Variants in TRMT11 observed in about 807,000 individuals in gnomAD.
TRMT11 encodes the protein tRNA (guanine(10)-N(2))-methyltransferase TRMT11.
TRMT11 carries 53 observed loss-of-function variants against 62.8 expected under a neutral mutation model. That is an observed-to-expected ratio of 0.84 (90% CI 0.68 to 1.06). TRMT11 has a LOEUF of 1.06. Ranked by LOEUF, TRMT11 falls within the 50% of genes least tolerant of loss-of-function variation. TRMT11 has a pLI of 0.00. For missense variants in TRMT11, 556 were observed against 553.4 expected (o/e 1.00, Z -0.05); for synonymous variants, 188 against 190.3 (o/e 0.99, Z 0.10).
the TRMT11 span, among the ~76,000 whole-genome samples, chr6:126,268,418 A>G: frequency 1.3e-5 from 2 of 152,212 alleles, no homozygotes; most frequent in East Asian, 3.8e-4. Context: ...TATCAAAATA[A>G]CAATGTGGGA....
intron 17 of TRMT11, among the ~76,000 whole-genome samples, chr6:126,094,855 C>G (rs564205122): frequency 6.6e-6 from 1 of 152,194 alleles, no homozygotes; most frequent in South Asian, 2.1e-4. Context: ...TTAACTCTAC[C>G]AACACATACT....
At chr6:126,082,064 G>A (rs951828250) in intron 17 of TRMT11, among the ~76,000 whole-genome samples, 11 of 152,200 alleles carry the variant, frequency 7.2e-5, no homozygotes, top group South Asian at 4.2e-4. Flanking sequence ...TGAATTCAGC[G>A]TTGTCTGATG....
At chr6:126,023,101 G>A (rs1386900707) in intron 12 of TRMT11, among the ~76,000 whole-genome samples, 8 of 152,064 alleles carry the variant, frequency 5.3e-5, no homozygotes, top group Non-Finnish European at 1.2e-4. Context: ...TTTTATACCA[G>A]ACTAATTATT....
intron 21 of TRMT11, among the ~76,000 whole-genome samples, chr6:126,166,069 C>T (rs187729457): frequency 4.5e-4 from 68 of 152,054 alleles, no homozygotes; most frequent in Non-Finnish European, 9.0e-4. Context: ...TCCGCTTGAT[C>T]GATTTGGCTA....
chr6:126,094,070 A>G (rs1777313026), intron 17 of TRMT11, among the ~76,000 whole-genome samples: 2 of 151,922 alleles, frequency 1.3e-5, no homozygotes, highest in African/African-American at 4.8e-5. Flanking sequence ...ATCTAAGCCA[A>G]GCAGTGTAAT....
At chr6:126,055,127 T>C (rs1416361847) in intron 17 of TRMT11, among the ~76,000 whole-genome samples, 1 of 152,110 alleles carries the variant, frequency 6.6e-6, no homozygotes, top group African/African-American at 2.4e-5. Context: ...ACTTCACTCA[T>C]CTAAGTTTTA....
intron 1 of TRMT11, among the ~76,000 whole-genome samples, chr6:126,186,042 C>T (rs942345615): frequency 1.3e-5 from 2 of 152,140 alleles, no homozygotes; most frequent in Admixed American, 6.6e-5. Flanking sequence ...CCATATCACC[C>T]TCCATAATGA....
intron 17 of TRMT11, among the ~76,000 whole-genome samples, chr6:126,092,334 C>T (rs535941727): frequency 6.6e-6 from 1 of 152,128 alleles, no homozygotes; most frequent in African/African-American, 2.4e-5. Flanking sequence ...GGAGGTCTTA[C>T]AGTCATGGTG....
intron 17 of TRMT11, among the ~76,000 whole-genome samples, chr6:126,093,631 A>ATATT (rs1554236842): frequency 1.0e-5 from 1 of 98,016 alleles, no homozygotes; most frequent in African/African-American, 4.4e-5. Context: ...ATATATATAT[A>ATATT]TTTTCCCCCA....
the TRMT11 span, chr6:126,258,146 C>G: frequency 1.3e-6 from 1 of 782,782 alleles, no homozygotes; most frequent in Non-Finnish European, 2.3e-6. Context: ...CCATGATCCA[C>G]TCCTCCAGGT....
intron 21 of TRMT11, among the ~76,000 whole-genome samples, chr6:126,143,135 C>T (rs975657210): frequency 2.6e-5 from 4 of 152,170 alleles, no homozygotes; most frequent in Non-Finnish European, 2.9e-5. Context: ...TGTTTCACCA[C>T]ATGTATCCTT....
intron 1 of TRMT11, among the ~76,000 whole-genome samples, chr6:126,189,043 T>C (rs1384629828): frequency 6.6e-6 from 1 of 152,066 alleles, no homozygotes; most frequent in African/African-American, 2.4e-5. Flanking sequence ...ATTTATTTTG[T>C]GGATTGGGAG....
intron 21 of TRMT11, among the ~76,000 whole-genome samples, chr6:126,128,269 A>G (rs1777740951): frequency 6.6e-6 from 1 of 152,156 alleles, no homozygotes; most frequent in African/African-American, 2.4e-5. Context: ...ACCCCAATTT[A>G]TAGATGAAAA....
chr6:125,991,741 A>T (rs1271840293), intron 1 of TRMT11, among the ~76,000 whole-genome samples: 1 of 152,242 alleles, frequency 6.6e-6, no homozygotes, highest in African/African-American at 2.4e-5. Context: ...GCCTTTATGA[A>T]TTAAAATGAG....
intron 17 of TRMT11, among the ~76,000 whole-genome samples, chr6:126,084,004 TAG>T (rs1178906552): frequency 6.6e-6 from 1 of 152,190 alleles, no homozygotes; most frequent in Non-Finnish European, 1.5e-5. Context: ...GACAGATACT[TAG>T]GTTGTTTCCA....
At chr6:126,243,939 A>G in the TRMT11 span, among the ~76,000 whole-genome samples, 1 of 152,238 alleles carries the variant, frequency 6.6e-6, no homozygotes, top group Non-Finnish European at 1.5e-5. Context: ...TAATAAAAAA[A>G]GGGCCAGAAG....
the TRMT11 span, among the ~76,000 whole-genome samples, chr6:126,250,430 A>G: frequency 6.6e-6 from 1 of 152,214 alleles, no homozygotes; most frequent in Non-Finnish European, 1.5e-5. Context: ...TGGTTACCTA[A>G]AGATCACTTA....
At chr6:126,006,117 G>A (rs758046401) in intron 7 of TRMT11, among the ~76,000 whole-genome samples, 6 of 151,932 alleles carry the variant, frequency 3.9e-5, no homozygotes, top group African/African-American at 7.2e-5. Flanking sequence ...ATTCTCTTTC[G>A]CATTTTTTTC....
At chr6:126,119,385 G>C (rs747036688) in intron 21 of TRMT11, among the ~76,000 whole-genome samples, 7 of 151,714 alleles carry the variant, frequency 4.6e-5, no homozygotes, top group Non-Finnish European at 1.0e-4. Context: ...GGCCTCTCCA[G>C]GGCAGTTTCT....
Sources: allele counts gnomAD v4.1 joint callset (sites outside exome capture counted in the v4.1 genomes callset), GRCh38; gene constraint gnomAD v4.1.1; transcripts MANE v1.5; gene names NCBI Gene and HGNC (gene_info 2026-07-23, HGNC 2026-07-21).